PPIP5K1: variants seen among roughly 807,000 people sequenced by gnomAD.
PPIP5K1 encodes inositol hexakisphosphate and diphosphoinositol-pentakisphosphate kinase 1.
A neutral mutation model predicts 27.7 loss-of-function variants in PPIP5K1; 6 were observed. The observed-to-expected ratio is 0.22, with a 90% CI of 0.12 to 0.43. PPIP5K1 has a LOEUF of 0.43. Among genes scored for constraint, PPIP5K1 ranks in the 20% least tolerant of loss-of-function variants. The pLI, the probability that PPIP5K1 is intolerant of heterozygous loss-of-function variation, is 1.00. For synonymous variants in PPIP5K1, 145 were observed against 242.6 expected, an observed-to-expected ratio of 0.60 and a Z score of 3.74; for missense variants, 394 against 635.4, an observed-to-expected ratio of 0.62 and a Z score of 4.08.
At position 43,535,073 on chromosome 15, in the gene PPIP5K1, C is replaced by T. The variant is rs1480246464; in HGVS notation, c.4074G>A (p.Gln1358=). 3 of 1,613,980 alleles carry T rather than the reference C, an allele frequency of 1.9e-6. No individual in the cohort carries two copies. The highest frequency in any genetic ancestry group is 1.3e-5 in the African/African-American group (1 of 74,874). The change falls in exon 32 of 32, where the codon CAG becomes CAA. Residue 1358 remains glutamine (Q), a synonymous_variant. Coordinates refer to ENST00000420765, the MANE Select transcript of PPIP5K1 (RefSeq NM_001394395.1). The part of the protein sequence containing the change: ...ENHDNGNHTC[Q]EVPHISQPCQ... ...ATGGCTGGCTGATGTGAGGGACCTC[C>T]TGGCATGTGTGGTTACCATTGTCAT...
chr15:43,546,463 A>G (rs2081378503), intron 30 of PPIP5K1, among the ~76,000 whole-genome samples: 1 of 151,834 alleles, frequency 6.6e-6, no homozygotes, highest in Non-Finnish European at 1.5e-5. Context: ...TGACTGGCTA[A>G]TTTTTTTATT....
At chr15:43,554,018 AT>A (rs1763290411) in intron 30 of PPIP5K1, among the ~76,000 whole-genome samples, 1 of 152,196 alleles carries the variant, frequency 6.6e-6, no homozygotes, top group Admixed American at 6.6e-5. Context: ...ACAGTGGCTC[AT>A]GCCTGCAACA....
At position 43,536,463 on chromosome 15, in the gene PPIP5K1, T is replaced by C. The variant is rs3803329; in HGVS notation, c.3671-987A>G. Among the ~76,000 whole-genome samples the C allele has an allele frequency of 7.4e-3, 1,120 of 151,720 alleles. 20 individuals carry two copies. Among genetic ancestry groups the C allele is most frequent in the East Asian group, 0.052 (269 of 5,172 alleles). On this transcript the variant is annotated intron_variant, in intron 31 of 31. Coordinates refer to ENST00000420765, the MANE Select transcript of PPIP5K1 (RefSeq NM_001394395.1). Reference sequence around the variant, plus strand: ...AAATAGTTTACCCAAAAATGGAAGATGGCCATGGAATTTCTACATGGCAGT... The same window carrying C: ...AAATAGTTTACCCAAAAATGGAAGACGGCCATGGAATTTCTACATGGCAGT...
chr15:43,534,689 A>G lies in PPIP5K1; in HGVS notation c.4458T>C (p.Pro1486=), dbSNP rs1474466308. 4 of 1,524,880 alleles carry G rather than the reference A, an allele frequency of 2.6e-6. No homozygotes were observed. The South Asian group carries it at 5.3e-5, about 20-fold the overall frequency. The allele number at this position is 1,524,880 out of a possible 1,614,324, so 94.5% of individuals were successfully genotyped here. Reference sequence around the variant, plus strand: ...CCCAGGACTTCTAATTTATCTCCTCAGGGACCTCCTGGGCCTGCAGATCAA... The same window carrying G: ...CCCAGGACTTCTAATTTATCTCCTCGGGGACCTCCTGGGCCTGCAGATCAA... ...EEIDLQAQEV[P]EEIN Residue 1486 remains proline, a synonymous_variant, in exon 32 of 32, where the codon CCT becomes CCC. Coordinates refer to ENST00000420765, the MANE Select transcript of PPIP5K1 (RefSeq NM_001394395.1).
At position 43,535,254 on chromosome 15, in the gene PPIP5K1, T is replaced by A. The variant is rs2079684072; in HGVS notation, c.3893A>T (p.Gln1298Leu). 6.2e-7 allele frequency: 1 copy of A among 1,614,076 alleles called. No individual in the cohort carries two copies. The highest frequency in any genetic ancestry group is 1.3e-5 in the African/African-American group (1 of 74,926). The change falls in exon 32 of 32, where the codon CAG (glutamine) becomes CTG (leucine). Residue 1298 changes from glutamine to leucine, a missense_variant. Around this residue, in one of 4 missense-constraint regions of PPIP5K1, gnomAD observed 379 missense variants for 423.9 expected, o/e 0.89. Transcript: ENST00000420765. ...CTGGCTGGTTTCCATAGGTGGCACC[T>A]GTGGGGACTGATTTGGTTCAAAAAG... ...QELFEPNQSP[Q>L]VPPMETSQPY...
At chr15:43,546,284 C>T (rs888699797) in intron 30 of PPIP5K1, among the ~76,000 whole-genome samples, 1 of 152,092 alleles carries the variant, frequency 6.6e-6, no homozygotes, top group African/African-American at 2.4e-5. Flanking sequence ...TATTCATTGA[C>T]ATTTCAGTTG....
At chr15:43,557,215 G>C (rs533491472) in intron 30 of PPIP5K1, among the ~76,000 whole-genome samples, 39 of 152,148 alleles carry the variant, frequency 2.6e-4, no homozygotes, top group Non-Finnish European at 1.9e-4. Context: ...GGAACCCAAG[G>C]GGGGGTGGAT....
chr15:43,556,929 T>A (rs2083037254), intron 30 of PPIP5K1, among the ~76,000 whole-genome samples: 1 of 152,204 alleles, frequency 6.6e-6, no homozygotes, highest in Admixed American at 6.5e-5. Context: ...ACTGAAAATC[T>A]TTTACTATTC....
chr15:43,546,195 A>C (rs1412627431), intron 30 of PPIP5K1, among the ~76,000 whole-genome samples: 1 of 152,236 alleles, frequency 6.6e-6, no homozygotes, highest in African/African-American at 2.4e-5. Flanking sequence ...AGGTTCATCC[A>C]CATTTTAATA....
At position 43,534,373 on chromosome 15, in the gene PPIP5K1, GCTC is replaced by G. The variant is rs77267828; in HGVS notation, c.*298_*300del. On this transcript the variant is annotated 3_prime_UTR_variant, in exon 32 of 32. Transcript: ENST00000420765. ...AATGGCTTCTTCGAACCTAAAACTG[GCTC>G]CTCCTCAACCACAGCTCTGGCACAG... 3.5e-4 allele frequency: 92 copies of G among 262,036 alleles called. 2 individuals carry two copies. The East Asian group carries it at 6.0e-3, about 17-fold the overall frequency. The allele number at this position is 262,036 out of a possible 1,614,324, so 16.2% of individuals were successfully genotyped here.
At chr15:43,537,706 A>AAAAAAAG (rs1555419105) in intron 31 of PPIP5K1, among the ~76,000 whole-genome samples, 1 of 126,740 alleles carries the variant, frequency 7.9e-6, no homozygotes, top group Non-Finnish European at 1.5e-5. Flanking sequence ...AAAAAAAAAA[A>AAAAAAAG]AGAGAGAGAG....
At chr15:43,550,425 C>T (rs1227724968) in intron 30 of PPIP5K1, among the ~76,000 whole-genome samples, 9 of 152,178 alleles carry the variant, frequency 5.9e-5, no homozygotes, top group Admixed American at 2.0e-4. Flanking sequence ...GGAACACAGG[C>T]GTGAGCCACT....
At position 43,533,627 on chromosome 15, in the gene PPIP5K1, G is replaced by C. The variant is rs1438334613; in HGVS notation, c.*1047C>G. The C allele has an allele frequency of 6.6e-6, 1 of 152,448 alleles. No individual in the cohort carries two copies. Among genetic ancestry groups the C allele is most frequent in the Non-Finnish European group, 1.5e-5 (1 of 68,002 alleles). The allele number at this position is 152,448 out of a possible 1,614,324, so 9.4% of individuals were successfully genotyped here. A position where few individuals can be genotyped will look rare whatever the true frequency, so the allele number is the denominator to read the frequency against. On this transcript the variant is annotated 3_prime_UTR_variant, in exon 32 of 32. Coordinates refer to ENST00000420765, the MANE Select transcript of PPIP5K1 (RefSeq NM_001394395.1). ...TGGCCCTCAGACACAATGATATAAG[G>C]ACAAATTTCTTGGGGACCCTGCAGT...
intron 31 of PPIP5K1, among the ~76,000 whole-genome samples, chr15:43,538,166 T>G (rs552254604): frequency 1.3e-5 from 2 of 152,286 alleles, no homozygotes; most frequent in African/African-American, 2.4e-5. Flanking sequence ...TCTACAACTG[T>G]TAAGTCCAAT....
rs373473780 is a variant in PPIP5K1, at chr15:43,558,863, C to T, written c.3488G>A (p.Arg1163His). The T allele has an allele frequency of 2.7e-5, 43 of 1,613,970 alleles. No individual in the cohort carries two copies. In the Admixed American group the frequency reaches 5.2e-4, roughly 19 times the overall value. ...LETLHNALSL[R>H]QVSEFLSRVC... is the part of the protein sequence containing the mutation. ...TCTACTCAAGAATTCACTCACTTGA[C>T]GTAGGGAAAGGGCATTATGCAGTGT... is the stretch of plus-strand genomic sequence containing the variant. The change falls in exon 30 of 32, where the codon CGT (arginine) becomes CAT (histidine). Residue 1163 changes from arginine (R) to histidine (H), a missense_variant. Around this residue, in one of 4 missense-constraint regions of PPIP5K1, gnomAD observed 379 missense variants for 423.9 expected, o/e 0.89. Coordinates refer to ENST00000420765, the MANE Select transcript of PPIP5K1 (RefSeq NM_001394395.1).
chr15:43,581,110 CCA>C lies in PPIP5K1; in HGVS notation c.951_952del (p.Cys317TrpfsTer3), dbSNP rs1294735640. Reference sequence around the variant, plus strand: ...ACCATTGGCACGAAGAAGGTCAAATCCACAAACTGTTTGCTGCAAGGAAAAGA... The same window carrying C: ...ACCATTGGCACGAAGAAGGTCAAATCCAAACTGTTTGCTGCAAGGAAAAGA... On this transcript the variant is annotated frameshift_variant, in exon 10 of 32. Transcript: ENST00000420765. LOFTEE classifies it high-confidence loss of function. The C allele has an allele frequency of 6.5e-7, 1 of 1,527,794 alleles. No individual in the cohort carries two copies. The highest frequency in any genetic ancestry group is 8.8e-7 in the Non-Finnish European group (1 of 1,137,134). The allele number at this position is 1,527,794 out of a possible 1,614,324, so 94.6% of individuals were successfully genotyped here. A position where few individuals can be genotyped will look rare whatever the true frequency, so the allele number is the denominator to read the frequency against.
intron 30 of PPIP5K1, among the ~76,000 whole-genome samples, chr15:43,542,714 T>C (rs2080928023): frequency 7.0e-6 from 1 of 142,536 alleles, no homozygotes; most frequent in South Asian, 2.4e-4. Flanking sequence ...GACAGGCTCT[T>C]ACTCTGTCAG....
chr15:43,537,910 AAAG>A (rs2080128052), intron 31 of PPIP5K1, among the ~76,000 whole-genome samples: 1 of 151,678 alleles, frequency 6.6e-6, no homozygotes, highest in Admixed American at 6.6e-5. Context: ...TTACCCAAGT[AAAG>A]AAGTAGCCTT....
chr15:43,536,091 G>GA, intron 31 of PPIP5K1: 1 of 1,285,820 alleles, frequency 7.8e-7, no homozygotes, highest in Middle Eastern at 3.3e-4. Context: ...GAAGAATGTA[G>GA]AAAAACCATG....
Sources: allele counts gnomAD v4.1 joint callset (sites outside exome capture counted in the v4.1 genomes callset), GRCh38; gene constraint gnomAD v4.1.1; regional missense constraint gnomAD v4.1.1; transcripts MANE v1.5; gene names NCBI Gene and HGNC (gene_info 2026-07-23, HGNC 2026-07-21).